ZNF385D: variants seen among roughly 807,000 people sequenced by gnomAD.
ZNF385D encodes zinc finger protein 659.
Under a neutral mutation model 35.8 loss-of-function variants are expected in ZNF385D, and 15 were observed. The observed-to-expected ratio is 0.42, with a 90% CI of 0.28 to 0.64. The LOEUF is 0.64. Ranked by LOEUF, ZNF385D falls within the 30% of genes least tolerant of loss-of-function variation. ZNF385D has a pLI of 0.23. For missense variants in ZNF385D, 474 were observed against 494.6 expected, an observed-to-expected ratio of 0.96 and a Z score of 0.39; for synonymous variants, 212 against 186.8, an observed-to-expected ratio of 1.13 and a Z score of -1.10.
intron 1 of ZNF385D, among the ~76,000 whole-genome samples, chr3:21,732,540 A>T (rs552429945): frequency 1.3e-5 from 2 of 152,184 alleles, no homozygotes; most frequent in Non-Finnish European, 2.9e-5. Flanking sequence ...CTCCAAACTC[A>T]AGCCAGCATT....
At chr3:22,229,163 C>T (rs1698736877) in intron 2 of ZNF385D, among the ~76,000 whole-genome samples, 1 of 152,184 alleles carries the variant, frequency 6.6e-6, no homozygotes, top group African/African-American at 2.4e-5. Flanking sequence ...CTTCCCTGGT[C>T]CTTTCTCCTC....
chr3:22,169,660 T>C (rs1268128363), intron 2 of ZNF385D, among the ~76,000 whole-genome samples: 1 of 152,192 alleles, frequency 6.6e-6, no homozygotes, highest in Non-Finnish European at 1.5e-5. Context: ...AGCCTTATAA[T>C]CAGGGTACAA....
intron 3 of ZNF385D, among the ~76,000 whole-genome samples, chr3:21,513,701 T>G (rs1290939120): frequency 6.6e-6 from 1 of 152,126 alleles, no homozygotes; most frequent in Non-Finnish European, 1.5e-5. Flanking sequence ...GCATACAAGT[T>G]GGAAGGCTAA....
chr3:22,058,160 C>T (rs1699506235), intron 3 of ZNF385D, among the ~76,000 whole-genome samples: 1 of 151,806 alleles, frequency 6.6e-6, no homozygotes, highest in Admixed American at 6.6e-5. Context: ...ATTGGTAACT[C>T]ATAAGTTGAT....
intron 3 of ZNF385D, among the ~76,000 whole-genome samples, chr3:21,762,442 T>C (rs1253594483): frequency 3.9e-5 from 6 of 152,142 alleles, no homozygotes; most frequent in Non-Finnish European, 4.4e-5. Flanking sequence ...TGGCACCTCC[T>C]CTCAGAAGCT....
chr3:22,029,307 G>A (rs764748742), intron 3 of ZNF385D, among the ~76,000 whole-genome samples: 8 of 152,012 alleles, frequency 5.3e-5, no homozygotes, highest in Non-Finnish European at 1.2e-4. Flanking sequence ...TGGAATATAG[G>A]AGATCCATTA....
intron 2 of ZNF385D, among the ~76,000 whole-genome samples, chr3:21,584,886 G>A (rs1025969077): frequency 2.0e-5 from 3 of 151,998 alleles, no homozygotes; most frequent in Admixed American, 2.0e-4. Flanking sequence ...TGTACCCTAT[G>A]GTTTCTAGAA....
chr3:21,444,725 A>G (rs1428147811), intron 4 of ZNF385D, among the ~76,000 whole-genome samples: 1 of 152,180 alleles, frequency 6.6e-6, no homozygotes, highest in Non-Finnish European at 1.5e-5. Flanking sequence ...TTAGCTTCAT[A>G]GGGACCGGCC....
intron 3 of ZNF385D, among the ~76,000 whole-genome samples, chr3:22,006,842 T>G (rs757403419): frequency 2.6e-5 from 4 of 151,804 alleles, no homozygotes; most frequent in East Asian, 3.9e-4. Context: ...GAGTGATAAG[T>G]AGAAACTGAT....
chr3:22,009,083 G>C (rs900010674), intron 3 of ZNF385D, among the ~76,000 whole-genome samples: 8 of 152,210 alleles, frequency 5.3e-5, no homozygotes, highest in Non-Finnish European at 1.0e-4. Flanking sequence ...GGGCCAGCTT[G>C]GTCAAACCAC....
intron 2 of ZNF385D, among the ~76,000 whole-genome samples, chr3:22,307,119 G>T (rs370135345): frequency 6.6e-6 from 1 of 152,108 alleles, no homozygotes; most frequent in South Asian, 2.1e-4. Context: ...AAGTTTCTGC[G>T]CCCTAAAAGG....
chr3:21,454,420 C>A (rs889767569), intron 4 of ZNF385D, among the ~76,000 whole-genome samples: 1 of 151,922 alleles, frequency 6.6e-6, no homozygotes, highest in African/African-American at 2.4e-5. Flanking sequence ...GTGATCTTGT[C>A]CTCTATTATC....
chr3:22,329,734 T>C (rs925273797), intron 2 of ZNF385D, among the ~76,000 whole-genome samples: 1 of 152,202 alleles, frequency 6.6e-6, no homozygotes, highest in African/African-American at 2.4e-5. Context: ...TTTTATGTTT[T>C]TGTCTGCAGC....
intron 3 of ZNF385D, among the ~76,000 whole-genome samples, chr3:22,144,904 G>T (rs1704749497): frequency 2.6e-5 from 4 of 152,070 alleles, no homozygotes; most frequent in African/African-American, 9.7e-5. Context: ...AAATAAGTTT[G>T]CTTGATGAAA....
chr3:21,506,283 C>T (rs1028517600), intron 4 of ZNF385D, among the ~76,000 whole-genome samples: 2 of 152,082 alleles, frequency 1.3e-5, no homozygotes, highest in South Asian at 2.1e-4. Flanking sequence ...GTGGTTGCTT[C>T]GTCAGCCTAG....
intron 1 of ZNF385D, among the ~76,000 whole-genome samples, chr3:21,708,683 G>A (rs1463763506): frequency 6.6e-6 from 1 of 151,954 alleles, no homozygotes; most frequent in East Asian, 1.9e-4. Context: ...ATTACAGCTT[G>A]GTTTGATTCT....
intron 2 of ZNF385D, among the ~76,000 whole-genome samples, chr3:21,597,669 T>TA (rs1350598903): frequency 1.3e-5 from 2 of 152,258 alleles, no homozygotes; most frequent in Admixed American, 1.3e-4. Context: ...ATGTAAAAGA[T>TA]ATAGAGGCAA....
rs188326666 is a variant in ZNF385D at position 21,569,629 on chromosome 3, C to T, written c.166-4945G>A. Among the ~76,000 whole-genome samples the T allele has an allele frequency of 8.9e-3, 1,337 of 150,038 alleles. 12 individuals are homozygous for T. The highest frequency in any genetic ancestry group is 0.014 in the Non-Finnish European group (957 of 67,560). ...TATGATGTTAGCTGGTTATTTTGCT[C>T]GTTAGTTGATGCAGTTTCTTCCTCG... On this transcript the variant is annotated intron_variant, in intron 2 of 7. Coordinates refer to ENST00000281523, the MANE Select transcript of ZNF385D (RefSeq NM_024697.3).
rs187413560 is a variant in ZNF385D at position 22,222,484 on chromosome 3, A to G, written c.107-53449T>C. Among the ~76,000 whole-genome samples the G allele has an allele frequency of 1.4e-3, 218 of 152,322 alleles. 2 individuals carry two copies. The highest frequency in any genetic ancestry group is 2.7e-3 in the Non-Finnish European group (182 of 68,032). The stretch of plus-strand genomic sequence containing the variant: ...TCAAAGGAAATGGTCATTTCTTCAT[A>G]TATCTACAAAAGGATGATGACAATA... On this transcript the variant is annotated intron_variant, in intron 2 of 5. Transcript: ENST00000494108.
Sources: gnomAD v4.1 joint callset for allele counts (sites outside exome capture counted in the v4.1 genomes callset) on GRCh38, gnomAD v4.1.1 for gene constraint, MANE v1.5 for transcripts, NCBI Gene and HGNC (gene_info 2026-07-23, HGNC 2026-07-21) for gene names.